The following GPATCH1 variants were observed in gnomAD, a reference collection of about 807,000 sequenced individuals.
GPATCH1 encodes G patch domain-containing protein 1.
A neutral mutation model predicts 114.9 loss-of-function variants in GPATCH1; 73 were observed. That is an observed-to-expected ratio of 0.64 (90% CI 0.53 to 0.77). The LOEUF (loss-of-function observed/expected upper bound fraction) is 0.77, where lower values mean the gene tolerates loss of function less well. GPATCH1 is among the 30% of genes least tolerant of loss of function. The probability of loss-of-function intolerance (pLI) is 0.00; values close to 1 mark genes in which losing one functional copy is unlikely to be tolerated. For synonymous variants in GPATCH1, 391 were observed against 428.4 expected (o/e 0.91, Z 1.08); for missense variants, 1,058 against 1,144.3 (o/e 0.92, Z 1.09).
intron 19 of GPATCH1, among the ~76,000 whole-genome samples, chr19:33,129,204 G>C (rs142728741): frequency 6.6e-6 from 1 of 151,132 alleles, no homozygotes; most frequent in South Asian, 2.1e-4. Flanking sequence ...CCGAGATCGC[G>C]CCACTGTACT....
At chr19:33,082,667 G>A (rs766882772) in intron 1 of GPATCH1, among the ~76,000 whole-genome samples, 1 of 152,064 alleles carries the variant, frequency 6.6e-6, no homozygotes, top group Non-Finnish European at 1.5e-5. Flanking sequence ...ATTGTAGTGA[G>A]ACTCTGTCTG....
In GPATCH1 at chr19:33,096,420, G is replaced by A; in HGVS notation, c.826G>A (p.Gly276Arg). 1 of 1,611,634 alleles carries A rather than the reference G, an allele frequency of 6.2e-7. No individual in the cohort carries two copies. The highest frequency in any genetic ancestry group is 8.5e-7 in the Non-Finnish European group (1 of 1,179,232). ...TCTTGGAGAAATTGGACTGAATAAA[G>A]GAAGAAAATTGGGAATTTCAGGCCA... ...GDLGEIGLNK[G>R]RKLGISGQAF... The change falls in exon 7 of 20, where the codon GGA becomes AGA. Residue 276 changes from glycine (G) to arginine (R), a missense_variant. By Grantham distance (125) the Gly-to-Arg change is moderately radical. This residue lies in a region of GPATCH1 where 893 missense variants were observed against 977.4 expected (regional missense o/e 0.91). Transcript: ENST00000170564.
Position 33,097,869 on chromosome 19 carries a change from T to G in GPATCH1, c.967T>G (p.Trp323Gly). ...DEEPGDGLYGWTAPRQYKNQK... is the reference protein window; with the variant it reads ...DEEPGDGLYGGTAPRQYKNQK... ...GGAGCCTGGAGACGGACTCTATGGC[T>G]GGACAGCACCCAGGCAGTATAAAAA... Residue 323 changes from tryptophan to glycine, a missense_variant, in exon 8 of 20, where the codon TGG becomes GGG. Physicochemically the swap from Trp to Gly is radical, Grantham distance 184. Around this residue, in one of 3 missense-constraint regions of GPATCH1, gnomAD observed 893 missense variants for 977.4 expected, o/e 0.91. Coordinates refer to ENST00000170564, the MANE Select transcript of GPATCH1 (RefSeq NM_018025.3). The G allele has an allele frequency of 6.2e-7, 1 of 1,614,104 alleles. No individual in the cohort carries two copies. Among genetic ancestry groups the G allele is most frequent in the Non-Finnish European group, 8.5e-7 (1 of 1,179,986 alleles).
intron 1 of GPATCH1, among the ~76,000 whole-genome samples, chr19:33,086,169 C>T (rs1380016751): frequency 1.4e-5 from 2 of 142,006 alleles, no homozygotes; most frequent in Non-Finnish European, 3.0e-5. Context: ...AGAAGCTCTG[C>T]CATAGCCAAG....
chr19:33,110,804 T>C (rs2145327268), intron 11 of GPATCH1, among the ~76,000 whole-genome samples: 1 of 152,006 alleles, frequency 6.6e-6, no homozygotes, highest in African/African-American at 2.4e-5. Context: ...TTCTCTGTTA[T>C]GTTTGGTAGA....
chr19:33,112,023 T>TG, intron 12 of GPATCH1, 121 bp downstream of exon 12: 1 of 709,074 alleles, frequency 1.4e-6, no homozygotes, highest in Non-Finnish European at 2.3e-6. Flanking sequence ...TAGAGTGCAG[T>TG]GGTGTGATCT....
At position 33,106,752 on chromosome 19, in the gene GPATCH1, A is replaced by G; in HGVS notation, c.1138A>G (p.Met380Val). 6.2e-7 allele frequency: 1 copy of G among 1,613,938 alleles called. No individual in the cohort carries two copies. The highest frequency in any genetic ancestry group is 8.5e-7 in the Non-Finnish European group (1 of 1,179,952). ...DYRPVHYFRP[M>V]VAATSENSHL... is the part of the protein sequence containing the mutation. ...TCGACCAGTGCATTATTTCAGACCC[A>G]TGGTGGCCGCCACCTCCGAGAACTC... is the stretch of plus-strand genomic sequence containing the variant. The change falls in exon 10 of 20, where the codon ATG becomes GTG. Residue 380 changes from methionine (M) to valine (V), a missense_variant. Around this residue, in one of 3 missense-constraint regions of GPATCH1, gnomAD observed 893 missense variants for 977.4 expected, o/e 0.91. Coordinates refer to ENST00000170564, the MANE Select transcript of GPATCH1 (RefSeq NM_018025.3).
intron 1 of GPATCH1, among the ~76,000 whole-genome samples, chr19:33,085,323 C>A (rs1972524485): frequency 6.6e-6 from 1 of 151,980 alleles, no homozygotes; most frequent in South Asian, 2.1e-4. Context: ...GCGATCCTCC[C>A]AGCTCAGCAC....
intron 15 of GPATCH1, 136 bp from the exon 16 acceptor site, chr19:33,117,689 G>C: frequency 1.5e-6 from 1 of 655,906 alleles, no homozygotes; most frequent in South Asian, 1.8e-5. Context: ...CTGTTTAGTT[G>C]GGTGGTGTGT....
chr19:33,126,234 G>A (rs940273029), intron 18 of GPATCH1, among the ~76,000 whole-genome samples: 5 of 152,214 alleles, frequency 3.3e-5, no homozygotes, highest in African/African-American at 1.2e-4. Flanking sequence ...AAGTTTCCCA[G>A]GGGTCTGACA....
At chr19:33,097,397 C>T (rs1417749905) in intron 7 of GPATCH1, among the ~76,000 whole-genome samples, 1 of 152,200 alleles carries the variant, frequency 6.6e-6, no homozygotes, top group Admixed American at 6.5e-5. Flanking sequence ...TGGCCCAGGC[C>T]GCATTGATCA....
intron 2 of GPATCH1, among the ~76,000 whole-genome samples, chr19:33,088,470 A>G (rs769054386): frequency 4.6e-5 from 7 of 150,892 alleles, no homozygotes; most frequent in Non-Finnish European, 8.8e-5. Context: ...CAGCCTTCCA[A>G]TTAGCTGGGA....
In GPATCH1 at chr19:33,126,732, C is replaced by T. The variant is rs781557121; in HGVS notation, c.2764C>T (p.Arg922Trp). ...CGTGTCGCCCCAGGAGCTGCTGAGA[C>T]GGTGGGTAGTGGGAGATGGAGGGTT... is the stretch of plus-strand genomic sequence containing the variant. ...ADVSPQELLR[R>W]LKSLPLRRQ Residue 922 changes from arginine (R) to tryptophan (W), a missense_variant and splice_region_variant, in exon 19 of 20, where the codon CGG (arginine) becomes TGG (tryptophan). Physicochemically the swap from Arg to Trp is moderately radical, Grantham distance 101 (BLOSUM62 -3). Around this residue, in one of 3 missense-constraint regions of GPATCH1, gnomAD observed 893 missense variants for 977.4 expected, o/e 0.91. Coordinates refer to ENST00000170564, the MANE Select transcript of GPATCH1 (RefSeq NM_018025.3). 4.0e-5 allele frequency: 64 copies of T among 1,608,208 alleles called. No individual in the cohort carries two copies. The highest frequency in any genetic ancestry group is 5.0e-5 in the Non-Finnish European group (59 of 1,178,398).
In GPATCH1 at chr19:33,120,586, C is replaced by T. The variant is rs902828974; in HGVS notation, c.2521+1469C>T. Among the ~76,000 whole-genome samples the T allele has an allele frequency of 1.3e-4, 19 of 144,338 alleles. 1 individual carries two copies. Among genetic ancestry groups the T allele is most frequent in the Admixed American group, 1.1e-3 (15 of 14,174 alleles). The allele number at this position is 144,338 out of a possible 152,430, so 94.7% of individuals were successfully genotyped here. On this transcript the variant is annotated intron_variant, in intron 17 of 19. Coordinates refer to ENST00000170564, the MANE Select transcript of GPATCH1 (RefSeq NM_018025.3). ...AAAAAAAGGTAAAAGAGGCTGGGTG[C>T]GGTGGCTCATACTTGTAATAGCAGT...
At chr19:33,125,313 TTCTC>T (rs1166201527) in intron 18 of GPATCH1, 111 bp downstream of exon 18, 1 of 1,179,160 alleles carries the variant, frequency 8.5e-7, no homozygotes, top group South Asian at 1.5e-5. Flanking sequence ...CAAGTCACAG[TTCTC>T]TCTGAGACTT....
chr19:33,083,284 G>A (rs1972500272), intron 1 of GPATCH1, among the ~76,000 whole-genome samples: 1 of 148,442 alleles, frequency 6.7e-6, no homozygotes, highest in African/African-American at 2.5e-5. Flanking sequence ...ATCCTTCTAT[G>A]TTGCTCAGGC....
intron 14 of GPATCH1, 63 bp downstream of exon 14, chr19:33,113,966 A>G (rs1488440555): frequency 6.1e-6 from 9 of 1,473,636 alleles, no homozygotes; most frequent in Non-Finnish European, 5.6e-6. Context: ...CTGTAGGAAG[A>G]CAGAATTAAA....
At chr19:33,096,172 G>C (rs1331751568) in intron 6 of GPATCH1, 35 bp from the exon 7 acceptor site, 2 of 1,604,430 alleles carry the variant, frequency 1.2e-6, no homozygotes, top group Admixed American at 3.4e-5. Flanking sequence ...GCATCCTTCA[G>C]TGACTCACCT....
chr19:33,119,878 A>G (rs540434288), intron 17 of GPATCH1, among the ~76,000 whole-genome samples: 29 of 147,612 alleles, frequency 2.0e-4, no homozygotes, highest in East Asian at 9.8e-4. Context: ...TAAAAATTAT[A>G]AAATTTTATA....
Sources: gnomAD v4.1 joint callset for allele counts (sites outside exome capture counted in the v4.1 genomes callset) on GRCh38, gnomAD v4.1.1 for gene constraint, gnomAD v4.1.1 regional missense constraint, MANE v1.5 for transcripts, NCBI Gene and HGNC (gene_info 2026-07-23, HGNC 2026-07-21) for gene names.